Variants in ARAP1 observed in about 807,000 individuals in gnomAD.
ARAP1 encodes arf-GAP with Rho-GAP domain, ANK repeat and PH domain-containing protein 1.
Under a neutral mutation model 172.2 loss-of-function variants are expected in ARAP1, and 76 were observed. The observed-to-expected ratio is 0.44, with a 90% CI of 0.37 to 0.53. The LOEUF (loss-of-function observed/expected upper bound fraction) is 0.53. ARAP1 is among the 20% of genes least tolerant of loss of function. The probability of loss-of-function intolerance (pLI) is 0.00; values close to 1 mark genes in which losing one functional copy is unlikely to be tolerated. For synonymous variants in ARAP1, 804 were observed against 803.3 expected (o/e 1.00, Z -0.01); for missense variants, 1,686 against 1,977.5 (o/e 0.85, Z 2.80).
At chr11:72,742,204 G>A (rs1021587040) in intron 1 of ARAP1, among the ~76,000 whole-genome samples, 1 of 152,238 alleles carries the variant, frequency 6.6e-6, no homozygotes, top group East Asian at 1.9e-4. Flanking sequence ...CCCTGACTCA[G>A]TCTCCCTCTC....
intron 13 of ARAP1, 88 bp from the exon 14 acceptor site, chr11:72,704,422 A>AC: frequency 7.3e-7 from 1 of 1,368,648 alleles, no homozygotes; most frequent in Non-Finnish European, 9.7e-7. Context: ...TTGTTAGGAA[A>AC]GGGGCTGGGA....
Position 72,699,520 on chromosome 11 carries a change from C to T in ARAP1, c.2335G>A (p.Gly779Arg), listed in dbSNP as rs147907020. The T allele has an allele frequency of 5.0e-6, 8 of 1,613,480 alleles. No individual in the cohort carries two copies. The highest frequency in any genetic ancestry group is 5.9e-6 in the Non-Finnish European group (7 of 1,179,840). ...TCATTCTCAAAGTAGCTCAGGACCC[C>T]GTCACCAAGGACACACCAGCGCCGG... The part of the protein sequence containing the change: ...FSRRWCVLGD[G>R]VLSYFENERA... The change falls in exon 17 of 35, where the codon GGG becomes AGG. Residue 779 changes from glycine (G) to arginine (R), a missense_variant. Physicochemically the swap from Gly to Arg is moderately radical, Grantham distance 125 (BLOSUM62 -2). Coordinates refer to ENST00000393609, the MANE Select transcript of ARAP1 (RefSeq NM_001040118.3). This position sits in a 1 kb window ranked among gnomAD's most constrained non-coding sequence, Gnocchi z 4.2.
chr11:72,694,171 C>A (rs558913759), intron 27 of ARAP1, among the ~76,000 whole-genome samples: 2 of 151,374 alleles, frequency 1.3e-5, no homozygotes, highest in Admixed American at 6.6e-5. Flanking sequence ...AATCTCTCTG[C>A]TCTGTCTATC....
intron 13 of ARAP1, chr11:72,704,630 C>A (rs1856673207): frequency 2.8e-6 from 1 of 359,696 alleles, no homozygotes; most frequent in East Asian, 5.4e-5. Context: ...TGCTGCCCCA[C>A]CCAGTTCCAC....
intron 33 of ARAP1, 128 bp downstream of exon 33, chr11:72,687,310 GA>G (rs1267726892): frequency 6.7e-6 from 8 of 1,195,044 alleles, no homozygotes; most frequent in Non-Finnish European, 9.8e-6. Flanking sequence ...ACTAGCAAAT[GA>G]ATTAAAAGCA....
rs779630645 is a variant in ARAP1 at position 72,697,392 on chromosome 11, C to T, written c.2884G>A (p.Glu962Lys). 3 of 1,611,252 alleles carry T rather than the reference C, an allele frequency of 1.9e-6. No individual in the cohort carries two copies. The highest frequency in any genetic ancestry group is 3.4e-5 in the Admixed American group (2 of 59,564). The part of the protein sequence containing the change: ...AAASMGDTLS[E>K]QQLGDSDIPV... ...ATATCCGAGTCCCCAAGCTGCTGCTCCGACAGCGTGTCCCCCATGCTGGCG... is the reference window on the plus strand; with the variant it reads ...ATATCCGAGTCCCCAAGCTGCTGCTTCGACAGCGTGTCCCCCATGCTGGCG... The change falls in exon 21 of 35, where the codon GAG (glutamate) becomes AAG (lysine). Residue 962 changes from glutamate to lysine, a missense_variant. By Grantham distance (56) the Glu-to-Lys change is moderately conservative. This residue lies in a region of ARAP1 where 274 missense variants were observed against 262.7 expected (regional missense o/e 1.04). Transcript: ENST00000393609.
At position 72,698,057 on chromosome 11, in the gene ARAP1, C is replaced by A. The variant is rs751714033; in HGVS notation, c.2591G>T (p.Arg864Leu). The change falls in exon 19 of 35, where the codon CGG becomes CTG. Residue 864 changes from arginine to leucine, a missense_variant. Physicochemically the swap from Arg to Leu is moderately radical, Grantham distance 102. This residue lies in a region of ARAP1 where 688 missense variants were observed against 856.9 expected (regional missense o/e 0.80). Transcript: ENST00000393609. ...AEDLLARDFE[R>L]LGRLPYKAGL... is the part of the protein sequence containing the mutation. ...AGCTTTGTAGGGTAGGCGTCCCAGC[C>A]GCTCAAAATCCCGGGCCAGCAGATC... 3 of 1,607,228 alleles carry A rather than the reference C, an allele frequency of 1.9e-6. No homozygotes were observed. Among genetic ancestry groups the A allele is most frequent in the South Asian group, 2.2e-5 (2 of 89,774 alleles).
At chr11:72,700,766 G>C (rs1208410876) in intron 16 of ARAP1, among the ~76,000 whole-genome samples, 1 of 152,246 alleles carries the variant, frequency 6.6e-6, no homozygotes, top group Non-Finnish European at 1.5e-5. Flanking sequence ...TACTTTGGGA[G>C]GCCAAGGCGG....
intron 14 of ARAP1, chr11:72,703,840 C>G (rs920938213): frequency 1.1e-5 from 4 of 378,188 alleles, no homozygotes; most frequent in Admixed American, 4.4e-5. Context: ...ATAGCATCCC[C>G]ATCAAGTTCA....
chr11:72,737,628 C>CTT (rs58569661), intron 1 of ARAP1, among the ~76,000 whole-genome samples: 8 of 144,292 alleles, frequency 5.5e-5, no homozygotes, highest in African/African-American at 1.5e-4. Flanking sequence ...CTCATTTGTT[C>CTT]TTTTTTTTTT....
chr11:72,714,985 G>A (rs974087879), intron 3 of ARAP1, among the ~76,000 whole-genome samples: 2 of 152,182 alleles, frequency 1.3e-5, no homozygotes, highest in African/African-American at 4.8e-5. Context: ...CAAGTTCAGG[G>A]CCTCCTGGGC....
intron 11 of ARAP1, 98 bp from the exon 12 acceptor site, chr11:72,707,472 G>C: frequency 8.6e-7 from 1 of 1,168,878 alleles, no homozygotes; most frequent in Non-Finnish European, 1.2e-6. Context: ...CAAGGTGTTG[G>C]GAGCGCTTAG....
chr11:72,698,668 T>G lies in ARAP1; in HGVS notation c.2541+337A>C, dbSNP rs144586453. On this transcript the variant is annotated intron_variant, in intron 18 of 34. Transcript: ENST00000393609. Reference sequence around the variant, plus strand: ...CTGCCTCTTCCCTCCAGCCTCTGCTTGCTCGCCTCCAGGAACGAGGAGCAC... The same window carrying G: ...CTGCCTCTTCCCTCCAGCCTCTGCTGGCTCGCCTCCAGGAACGAGGAGCAC... Among the ~76,000 whole-genome samples, 29 of 152,268 alleles carry G rather than the reference T, an allele frequency of 1.9e-4. No individual in the cohort carries two copies. The East Asian group carries it at 5.2e-3, about 27-fold the overall frequency.
At position 72,725,370 on chromosome 11, in the gene ARAP1, C is replaced by T. The variant is rs909669689; in HGVS notation, c.509+1250G>A. Among the ~76,000 whole-genome samples the T allele has an allele frequency of 6.6e-6, 1 of 151,840 alleles. No homozygotes were observed. The highest frequency in any genetic ancestry group is 1.9e-4 in the East Asian group (1 of 5,170). On this transcript the variant is annotated intron_variant, in intron 3 of 34. Transcript: ENST00000393609. The surrounding 1 kb of genome is among the most constrained non-coding windows in gnomAD (Gnocchi z 4.3). ...AAGCTGATGGGGTTGAAATAGAAAA[C>T]GCTCCTGCATGCAGAAGAATGGTCA...
At position 72,687,258 on chromosome 11, in the gene ARAP1, G is replaced by C. The variant is rs1855731533; in HGVS notation, c.4185+181C>G. On this transcript the variant is annotated intron_variant, in intron 33 of 34. Coordinates refer to ENST00000393609, the MANE Select transcript of ARAP1 (RefSeq NM_001040118.3). ...TCTGTCCCTAGCATCCCTGGCTTGGGGCTGGACTAACAGTAGGTGCTAGGA... is the reference window on the plus strand; with the variant it reads ...TCTGTCCCTAGCATCCCTGGCTTGGCGCTGGACTAACAGTAGGTGCTAGGA... 3.9e-6 allele frequency: 3 copies of C among 762,948 alleles called. No homozygotes were observed. In the East Asian group the frequency reaches 8.2e-5, roughly 21 times the overall value. 47.3% of individuals were successfully genotyped at this position (762,948 alleles called of 1,614,324 possible).
rs777053006 is a variant in ARAP1 at position 72,696,533 on chromosome 11, T to C, written c.3272+16A>G. 5.4e-6 allele frequency: 8 copies of C among 1,492,690 alleles called. No homozygotes were observed. Among genetic ancestry groups the C allele is most frequent in the Middle Eastern group, 1.8e-4 (1 of 5,548 alleles). 92.5% of individuals were successfully genotyped at this position (1,492,690 alleles called of 1,614,324 possible). On this transcript the variant is annotated intron_variant, in intron 23 of 34. Transcript: ENST00000393609. The stretch of plus-strand genomic sequence containing the variant: ...ATCCCATCCCCCCAGAATCTCACAA[T>C]GGTATCGTCCCTCACCAGTACAGGT...
intron 1 of ARAP1, among the ~76,000 whole-genome samples, chr11:72,744,984 C>T (rs189736400): frequency 1.1e-3 from 164 of 152,274 alleles, no homozygotes; most frequent in Non-Finnish European, 1.8e-3. Context: ...AGCCTTTAGC[C>T]AAGGCTCTGG....
At chr11:72,739,680 G>A (rs188762344) in intron 1 of ARAP1, among the ~76,000 whole-genome samples, 53 of 152,260 alleles carry the variant, frequency 3.5e-4, no homozygotes, top group East Asian at 1.5e-3. Context: ...ACCATGACAC[G>A]CCACCGCATG....
At chr11:72,722,196 AGTGTGTGTGAGTGTGTGTGACTCT>A in intron 3 of ARAP1, 1 of 984,092 alleles carries the variant, frequency 1.0e-6, no homozygotes, top group Non-Finnish European at 1.2e-6. Flanking sequence ...AGAGAGAGAG[AGTGTGTGTGAGTGTGTGTGACTCT>A]GTGTGTCTGT....
Sources: allele counts gnomAD v4.1 joint callset (sites outside exome capture counted in the v4.1 genomes callset), GRCh38; gene constraint gnomAD v4.1.1; regional missense constraint gnomAD v4.1.1; non-coding constraint Gnocchi (gnomAD v3.1); transcripts MANE v1.5; gene names NCBI Gene and HGNC (gene_info 2026-07-23, HGNC 2026-07-21).